FERMT2: variants seen among roughly 807,000 people sequenced by gnomAD.
The protein encoded by FERMT2 is fermitin family homolog 2.
Under a neutral mutation model 82.7 loss-of-function variants are expected in FERMT2, and 15 were observed. The observed-to-expected ratio is 0.18, with a 90% CI of 0.12 to 0.28. FERMT2 has a LOEUF of 0.28. FERMT2 is among the 10% of genes least tolerant of loss of function. The pLI, the probability that FERMT2 is intolerant of heterozygous loss-of-function variation, is 1.00. For missense variants in FERMT2, 645 were observed against 809.4 expected (o/e 0.80, Z 2.46); for synonymous variants, 274 against 271.5 (o/e 1.01, Z -0.09).
chr14:52,878,469 G>T, intron 7 of FERMT2, 113 bp downstream of exon 7: 1 of 688,558 alleles, frequency 1.5e-6, no homozygotes, highest in Non-Finnish European at 2.5e-6. Flanking sequence ...TTTCTTCATG[G>T]CAAAAATTCT....
intron 12 of FERMT2, 35 bp downstream of exon 12, chr14:52,864,366 C>G: frequency 6.7e-7 from 1 of 1,498,600 alleles, no homozygotes; most frequent in African/African-American, 1.4e-5. Flanking sequence ...TAAAAACAAA[C>G]CAGCACAGTA....
chr14:52,885,074 A>G (rs1886516232), intron 4 of FERMT2, among the ~76,000 whole-genome samples: 1 of 151,976 alleles, frequency 6.6e-6, no homozygotes. Flanking sequence ...GCACTTTGAG[A>G]GGCCAAGGCG....
At chr14:52,869,331 A>C (rs1359052323) in intron 10 of FERMT2, among the ~76,000 whole-genome samples, 1 of 152,336 alleles carries the variant, frequency 6.6e-6, no homozygotes, top group Non-Finnish European at 1.5e-5. Context: ...AATTTGTGTA[A>C]CTTTAAAAGC....
intron 2 of FERMT2, among the ~76,000 whole-genome samples, chr14:52,930,105 T>C (rs1234500893): frequency 1.3e-5 from 2 of 152,326 alleles, no homozygotes; most frequent in East Asian, 1.9e-4. Context: ...CTAATACAAG[T>C]TGTATGTCTG....
intron 3 of FERMT2, among the ~76,000 whole-genome samples, chr14:52,894,564 G>T (rs1192014397): frequency 1.3e-5 from 2 of 152,098 alleles, no homozygotes; most frequent in Non-Finnish European, 2.9e-5. Flanking sequence ...CTGGCTAAAT[G>T]ATAAGACGTA....
intron 2 of FERMT2, among the ~76,000 whole-genome samples, chr14:52,942,221 A>G (rs982063891): frequency 2.6e-5 from 4 of 152,152 alleles, no homozygotes; most frequent in Non-Finnish European, 5.9e-5. Flanking sequence ...TAGTTTATAT[A>G]AAGTATATAT....
At chr14:52,938,047 A>G (rs144576691) in intron 2 of FERMT2, among the ~76,000 whole-genome samples, 222 of 152,336 alleles carry the variant, frequency 1.5e-3, no homozygotes, top group African/African-American at 5.1e-3. Context: ...TTTTGTTTAT[A>G]AGGACACTAA....
At chr14:52,861,842 C>A (rs977144742) in intron 12 of FERMT2, 6 of 152,036 alleles carry the variant, frequency 3.9e-5, no homozygotes, top group Non-Finnish European at 2.9e-5. Flanking sequence ...TTTTGATAGA[C>A]CCAAAAGAAA....
At chr14:52,879,523 G>A (rs185753747) in intron 6 of FERMT2, among the ~76,000 whole-genome samples, 22 of 152,164 alleles carry the variant, frequency 1.4e-4, no homozygotes, top group African/African-American at 4.6e-4. Context: ...ATTTTAGAAC[G>A]TTGACAAAAT....
intron 4 of FERMT2, 86 bp from the exon 5 acceptor site, chr14:52,881,555 C>T (rs1049797871): frequency 8.2e-5 from 86 of 1,047,442 alleles, no homozygotes; most frequent in Non-Finnish European, 1.1e-4. Context: ...ATATAAAGCA[C>T]ATTGTGAAAC....
chr14:52,906,319 G>A (rs1173595290), intron 3 of FERMT2, among the ~76,000 whole-genome samples: 2 of 152,214 alleles, frequency 1.3e-5, no homozygotes, highest in African/African-American at 4.8e-5. Context: ...AAGGAGAACA[G>A]AAAGACAGAG....
chr14:52,913,810 A>G (rs372562489), intron 3 of FERMT2, among the ~76,000 whole-genome samples: 1 of 152,102 alleles, frequency 6.6e-6, no homozygotes. Context: ...ACTTCATTCT[A>G]TACAGCAGAG....
intron 2 of FERMT2, among the ~76,000 whole-genome samples, chr14:52,941,956 G>A (rs1429753237): frequency 2.0e-5 from 3 of 152,122 alleles, no homozygotes; most frequent in African/African-American, 7.2e-5. Context: ...ACACTGCAGA[G>A]GCAGGTGTGT....
intron 4 of FERMT2, among the ~76,000 whole-genome samples, chr14:52,889,181 G>T (rs1292630693): frequency 6.6e-6 from 1 of 152,096 alleles, no homozygotes; most frequent in Non-Finnish European, 1.5e-5. Context: ...TTTACTGTGT[G>T]GATTAAATAT....
At chr14:52,946,489 G>A (rs192217276) in intron 2 of FERMT2, among the ~76,000 whole-genome samples, 46 of 152,028 alleles carry the variant, frequency 3.0e-4, no homozygotes, top group Admixed American at 1.2e-3. Flanking sequence ...CCATCTCTAC[G>A]AAAAATTTTA....
chr14:52,931,980 G>T (rs1889600504), intron 2 of FERMT2, among the ~76,000 whole-genome samples: 1 of 152,240 alleles, frequency 6.6e-6, no homozygotes, highest in Non-Finnish European at 1.5e-5. Flanking sequence ...AGTGAGCCCA[G>T]ATCGTGCCAC....
intron 10 of FERMT2, chr14:52,871,796 G>C (rs903981321): frequency 6.6e-6 from 1 of 152,386 alleles, no homozygotes; most frequent in Admixed American, 6.5e-5. Context: ...TGAGGGAAAG[G>C]AAATGAGCAA....
At chr14:52,866,802 C>T (rs1392298245) in intron 10 of FERMT2, among the ~76,000 whole-genome samples, 1 of 152,194 alleles carries the variant, frequency 6.6e-6, no homozygotes, top group Admixed American at 6.5e-5. Flanking sequence ...CATCCATTTC[C>T]TGCCACCGTA....
intron 2 of FERMT2, among the ~76,000 whole-genome samples, chr14:52,932,360 G>A (rs929594034): frequency 3.9e-5 from 6 of 152,150 alleles, no homozygotes; most frequent in East Asian, 1.9e-4. Flanking sequence ...ATCTCTTAAG[G>A]AAATAGGTAT....
Sources: gnomAD v4.1 joint callset for allele counts (sites outside exome capture counted in the v4.1 genomes callset) on GRCh38, gnomAD v4.1.1 for gene constraint, MANE v1.5 for transcripts, NCBI Gene and HGNC (gene_info 2026-07-23, HGNC 2026-07-21) for gene names.